Variants in DGKQ observed in about 807,000 individuals in gnomAD.
DGKQ encodes diacylglycerol kinase theta, also known as DAG kinase theta.
DGKQ carries 97 observed loss-of-function variants against 104.2 expected under a neutral mutation model. The ratio of observed to expected loss-of-function variants is 0.93; its 90% CI spans 0.79 to 1.10. The LOEUF (loss-of-function observed/expected upper bound fraction) is 1.10. Among genes scored for constraint, DGKQ ranks in the 50% least tolerant of loss-of-function variants. The pLI is 0.00. For missense variants in DGKQ, 1,465 were observed against 1,352.1 expected (o/e 1.08, Z -1.31); for synonymous variants, 736 against 595.2 (o/e 1.24, Z -3.44).
rs1711847074 is a variant in DGKQ, at chr4:961,062, G to A, written c.2714C>T (p.Ala905Val). The A allele has an allele frequency of 1.9e-6, 3 of 1,612,292 alleles. No individual in the cohort carries two copies. Among genetic ancestry groups the A allele is most frequent in the South Asian group, 1.1e-5 (1 of 91,082 alleles). The change falls in exon 22 of 23, where the codon GCT (alanine) becomes GTT (valine). Residue 905 changes from alanine to valine, a missense_variant. Coordinates refer to ENST00000273814, the MANE Select transcript of DGKQ (RefSeq NM_001347.4). The part of the protein sequence containing the change: ...VQAPGHMIIS[A>V]AGPKVHMLRK... ...CACCCCACATACCTTAGGGCCAGCA[G>A]CTGAGATGATCATGTGCCCCGGGGC...
In DGKQ at chr4:961,594, G is replaced by A; in HGVS notation, c.2463-16C>T. ...CGAGCCCCAGCTGCCGCATAAGAGA[G>A]CGGGCACAGAGGTGTAGGTGCAGGC... is the stretch of plus-strand genomic sequence containing the variant. On this transcript the variant is annotated splice_polypyrimidine_tract_variant and intron_variant, in intron 20 of 22. Transcript: ENST00000273814. 6.2e-7 allele frequency: 1 copy of A among 1,609,862 alleles called. No homozygotes were observed. Among genetic ancestry groups the A allele is most frequent in the South Asian group, 1.1e-5 (1 of 90,832 alleles).
rs1377561516 is a variant in DGKQ at position 959,903 on chromosome 4, C to T, written c.*717G>A. 1 of 152,176 alleles carries T rather than the reference C, an allele frequency of 6.6e-6. No homozygotes were observed. The highest frequency in any genetic ancestry group is 1.5e-5 in the Non-Finnish European group (1 of 68,036). 9.4% of individuals were successfully genotyped at this position (152,176 alleles called of 1,614,324 possible). On this transcript the variant is annotated 3_prime_UTR_variant, in exon 23 of 23. Transcript: ENST00000273814. ...TAGCCTCCACGTGGACAGAGGTTCT[C>T]CTCCCCAAGCAGAGGCACTAGGAAA...
rs1246311991 is a variant in DGKQ, at chr4:968,046, G to A, written c.664-19C>T. On this transcript the variant is annotated intron_variant, in intron 5 of 22. Coordinates refer to ENST00000273814, the MANE Select transcript of DGKQ (RefSeq NM_001347.4). ...AGTGCGCCTGGGGGGAGAAGGGCCTGAGCTGGGGGGTTGGAGCCAGGGTGC... is the reference window on the plus strand; with the variant it reads ...AGTGCGCCTGGGGGGAGAAGGGCCTAAGCTGGGGGGTTGGAGCCAGGGTGC... 7.1e-7 allele frequency: 1 copy of A among 1,418,082 alleles called. No individual in the cohort carries two copies. The highest frequency in any genetic ancestry group is 9.1e-7 in the Non-Finnish European group (1 of 1,094,398). The allele number at this position is 1,418,082 out of a possible 1,614,324, so 87.8% of individuals were successfully genotyped here. A position where few individuals can be genotyped will look rare whatever the true frequency, so the allele number is the denominator to read the frequency against.
Position 966,541 on chromosome 4 carries a change from G to C in DGKQ, c.1367-14C>G. ...TCGTCCGCTGGACTGCAGAGGTGAG[G>C]GCACAGGCCGTCAGCACCCGGCTCC... is the stretch of plus-strand genomic sequence containing the variant. On this transcript the variant is annotated splice_polypyrimidine_tract_variant and intron_variant, in intron 11 of 22. Coordinates refer to ENST00000273814, the MANE Select transcript of DGKQ (RefSeq NM_001347.4). The C allele has an allele frequency of 6.2e-7, 1 of 1,609,540 alleles. No individual in the cohort carries two copies. Among genetic ancestry groups the C allele is most frequent in the Non-Finnish European group, 8.5e-7 (1 of 1,177,684 alleles).
rs761639887 is a variant in DGKQ at position 968,452 on chromosome 4, A to G, written c.537+27T>C. 2.6e-5 allele frequency: 41 copies of G among 1,595,184 alleles called. No homozygotes were observed. In the African/African-American group the frequency reaches 3.2e-4, roughly 13 times the overall value. On this transcript the variant is annotated intron_variant, in intron 4 of 22. Transcript: ENST00000273814. The stretch of plus-strand genomic sequence containing the variant: ...AGCAGCTGGGCCCGCCCCACCCCCC[A>G]GGGCTCCCTGGGGCCGGTACACTCA...
chr4:964,668 G>A (rs1712155946), intron 15 of DGKQ, among the ~76,000 whole-genome samples: 2 of 152,182 alleles, frequency 1.3e-5, no homozygotes, highest in African/African-American at 4.8e-5. Context: ...GCACTGACTG[G>A]CCTGGGGAGC....
Position 965,965 on chromosome 4 carries a change from C to T in DGKQ, c.1542G>A (p.Glu514=), listed in dbSNP as rs1384303332. Residue 514 remains glutamate (E), a synonymous_variant, in exon 13 of 23, where the codon GAG becomes GAA. Coordinates refer to ENST00000273814, the MANE Select transcript of DGKQ (RefSeq NM_001347.4). ...GGLPPGLSPE[E]YSSLLHEAGA... ...CGGCCTCATGCAGCAGGCTGCTGTACTCCTCGGGAGACAGGCCGGGAGGCA... is the reference window on the plus strand; with the variant it reads ...CGGCCTCATGCAGCAGGCTGCTGTATTCCTCGGGAGACAGGCCGGGAGGCA... The T allele has an allele frequency of 8.7e-6, 14 of 1,605,450 alleles. No individual in the cohort carries two copies. The highest frequency in any genetic ancestry group is 1.1e-5 in the South Asian group (1 of 89,594).
chr4:973,546 CG>C lies in DGKQ; in HGVS notation c.-65del, dbSNP rs1241408123. ...CGGGGGTACAGGAGCCGCCGCTCCACGGCCCGGTACACTGCTTCCGACTGCG... is the reference window on the plus strand; with the variant it reads ...CGGGGGTACAGGAGCCGCCGCTCCACGCCCGGTACACTGCTTCCGACTGCG... On this transcript the variant is annotated 5_prime_UTR_variant, in exon 1 of 23. Transcript: ENST00000273814. 8.2e-6 allele frequency: 8 copies of C among 981,396 alleles called. No homozygotes were observed. The Admixed American group carries it at 4.9e-4, about 61-fold the overall frequency. The allele number at this position is 981,396 out of a possible 1,614,324, so 60.8% of individuals were successfully genotyped here. A position where few individuals can be genotyped will look rare whatever the true frequency, so the allele number is the denominator to read the frequency against.
In DGKQ at chr4:964,519, G is replaced by A. The variant is rs538252947; in HGVS notation, c.1734+657C>T. Among the ~76,000 whole-genome samples, 37 of 148,464 alleles carry A rather than the reference G, an allele frequency of 2.5e-4. 1 individual carries two copies. The South Asian group carries it at 6.1e-3, about 25-fold the overall frequency. ...CCCCCCGGCCCTGCCCTGTCTCCAC[G>A]GACCAGACCCCCGTTCCCCCCGGCC... On this transcript the variant is annotated intron_variant, in intron 15 of 22. Transcript: ENST00000273814.
At position 973,377 on chromosome 4, in the gene DGKQ, G is replaced by C; in HGVS notation, c.106C>G (p.Arg36Gly). ...CCCGGCCCCGGCCCCGGCCCCGGGC[G>C]CGCGCGGCCTCCTGAGCCCAGCACG... The part of the protein sequence containing the change: ...SPVLGSGGRA[R>G]PGPGPGPGPE... The change falls in exon 1 of 23, where the codon CGC becomes GGC. Residue 36 changes from arginine to glycine, a missense_variant. Physicochemically the swap from Arg to Gly is moderately radical, Grantham distance 125. Transcript: ENST00000273814. 8.8e-7 allele frequency: 1 copy of C among 1,133,592 alleles called. No homozygotes were observed. The highest frequency in any genetic ancestry group is 5.2e-5 in the Admixed American group (1 of 19,388). 70.2% of individuals were successfully genotyped at this position (1,133,592 alleles called of 1,614,324 possible). A position where few individuals can be genotyped will look rare whatever the true frequency, so the allele number is the denominator to read the frequency against.
chr4:972,691 GC>G (rs2153011866), intron 1 of DGKQ, among the ~76,000 whole-genome samples: 1 of 152,292 alleles, frequency 6.6e-6, no homozygotes, highest in Admixed American at 6.5e-5. Flanking sequence ...ATGAGAGCCA[GC>G]CCTGGGAGCA....
chr4:962,064 A>G lies in DGKQ; in HGVS notation c.2233T>C (p.Tyr745His). 6.2e-7 allele frequency: 1 copy of G among 1,612,364 alleles called. No homozygotes were observed. The highest frequency in any genetic ancestry group is 8.5e-7 in the Non-Finnish European group (1 of 1,179,908). The change falls in exon 19 of 23, where the codon TAC becomes CAC. Residue 745 changes from tyrosine (Y) to histidine (H), a missense_variant. Transcript: ENST00000273814. The stretch of plus-strand genomic sequence containing the variant: ...TCCGCGTCGATGCCAATGCCACAGT[A>G]GTTACTCATCTGCACGATCTGGGGA... ...EPPKIVQMSN[Y>H]CGIGIDAELS...
chr4:967,927 C>A lies in DGKQ; in HGVS notation c.764G>T (p.Gly255Val), dbSNP rs1227515777. 8 of 1,470,470 alleles carry A rather than the reference C, an allele frequency of 5.4e-6. No homozygotes were observed. The East Asian group carries it at 7.9e-5, about 15-fold the overall frequency. The allele number at this position is 1,470,470 out of a possible 1,614,324, so 91.1% of individuals were successfully genotyped here. ...PPACVRLLPG[G>V]FSKTQSFRIV... Reference sequence around the variant, plus strand: ...GCGGAAGCTCTGCGTCTTGCTGAAGCCGCCGGGCAGAAGGCGCACGCACGC... The same window carrying A: ...GCGGAAGCTCTGCGTCTTGCTGAAGACGCCGGGCAGAAGGCGCACGCACGC... Residue 255 changes from glycine to valine, a missense_variant, in exon 6 of 23, where the codon GGC becomes GTC. Transcript: ENST00000273814.
At chr4:969,314 G>C (rs966938533) in intron 2 of DGKQ, among the ~76,000 whole-genome samples, 3 of 152,202 alleles carry the variant, frequency 2.0e-5, no homozygotes, top group East Asian at 3.9e-4. Flanking sequence ...AGGCTCTGTC[G>C]ACGGCCTGGC....
chr4:972,661 C>CTCCCTCCAGAGGCTGGG (rs1713027248), intron 1 of DGKQ, among the ~76,000 whole-genome samples: 2 of 152,166 alleles, frequency 1.3e-5, no homozygotes, highest in African/African-American at 4.8e-5. Context: ...CCGGGGCCCG[C>CTCCCTCCAGAGGCTGGG]CTGCTTGCCG....
chr4:966,275 C>T (rs527285111), intron 12 of DGKQ, 191 bp downstream of exon 12: 28 of 828,004 alleles, frequency 3.4e-5, no homozygotes, highest in East Asian at 1.3e-4. Context: ...TCGAGGACCT[C>T]GGGGAGATCT....
chr4:961,696 G>T lies in DGKQ; in HGVS notation c.2454C>A (p.Asn818Lys). 7 of 1,612,606 alleles carry T rather than the reference G, an allele frequency of 4.3e-6. No homozygotes were observed. The highest frequency in any genetic ancestry group is 5.9e-6 in the Non-Finnish European group (7 of 1,179,922). ...GCCCCGCCCGCGAGCACCTGGGGATGTTGATGAAGATGAGGCCTTCAATAC... is the reference window on the plus strand; with the variant it reads ...GCCCCGCCCGCGAGCACCTGGGGATTTTGATGAAGATGAGGCCTTCAATAC... ...LPSIEGLIFI[N>K]IPSWGSGADL... Residue 818 changes from asparagine (N) to lysine (K), a missense_variant, in exon 20 of 23, where the codon AAC becomes AAA. Coordinates refer to ENST00000273814, the MANE Select transcript of DGKQ (RefSeq NM_001347.4).
intron 10 of DGKQ, 31 bp downstream of exon 10, chr4:966,933 C>T: frequency 1.9e-6 from 3 of 1,550,402 alleles, no homozygotes; most frequent in Non-Finnish European, 2.6e-6. Flanking sequence ...CCGAGTCTGG[C>T]CGGCATGGGG....
chr4:961,929 G>C (rs1000350886), intron 19 of DGKQ, 53 bp downstream of exon 19: 4 of 1,609,690 alleles, frequency 2.5e-6, no homozygotes, highest in Non-Finnish European at 3.4e-6. Flanking sequence ...TCCTGCTGGG[G>C]GACCTGAGGG....
Sources: allele counts gnomAD v4.1 joint callset (sites outside exome capture counted in the v4.1 genomes callset), GRCh38; gene constraint gnomAD v4.1.1; transcripts MANE v1.5; gene names NCBI Gene and HGNC (gene_info 2026-07-23, HGNC 2026-07-21).